The following MBTPS1 variants were observed in gnomAD, a reference collection of about 807,000 sequenced individuals.
MBTPS1 encodes membrane bound transcription factor peptidase, site 1.
MBTPS1 carries 94 observed loss-of-function variants against 127.8 expected under a neutral mutation model. The observed-to-expected ratio is 0.74, with a 90% CI of 0.62 to 0.87. The LOEUF (loss-of-function observed/expected upper bound fraction) is 0.87. Ranked by LOEUF, MBTPS1 falls within the 40% of genes least tolerant of loss-of-function variation. The pLI is 0.00. For synonymous variants in MBTPS1, 632 were observed against 509.4 expected, an observed-to-expected ratio of 1.24 and a Z score of -3.24; for missense variants, 1,636 against 1,353.2, an observed-to-expected ratio of 1.21 and a Z score of -3.28.
chr16:84,096,526 G>A (rs987300720), intron 3 of MBTPS1, among the ~76,000 whole-genome samples: 1 of 152,222 alleles, frequency 6.6e-6, no homozygotes. Context: ...CAGTACCACA[G>A]AAATGGCCTA....
Position 84,067,740 on chromosome 16 carries a change from AG to A in MBTPS1, c.2154del (p.Ser719ArgfsTer14). 1 of 1,614,146 alleles carries A rather than the reference AG, an allele frequency of 6.2e-7. No homozygotes were observed. The highest frequency in any genetic ancestry group is 8.5e-7 in the Non-Finnish European group (1 of 1,179,954). ...AKLRRDVDNG[L>X]SLVIFSDWYN... is the part of the protein sequence containing the mutation. Reference sequence around the variant, plus strand: ...TACCAGTCACTGAAGATGACGAGCGAGAGGCCGTTGTCCACGTCCCTCCGGA... The same window carrying A: ...TACCAGTCACTGAAGATGACGAGCGAAGGCCGTTGTCCACGTCCCTCCGGA... On this transcript the variant is annotated frameshift_variant, in exon 16 of 23. Transcript: ENST00000343411. LOFTEE classifies it high-confidence loss of function.
Position 84,067,663 on chromosome 16 carries a change from G to T in MBTPS1, c.2228+4C>A. 1.9e-6 allele frequency: 3 copies of T among 1,608,910 alleles called. No homozygotes were observed. Among genetic ancestry groups the T allele is most frequent in the Non-Finnish European group, 2.6e-6 (3 of 1,175,660 alleles). On this transcript the variant is annotated splice_donor_region_variant and intron_variant, in intron 16 of 22. Coordinates refer to ENST00000343411, the MANE Select transcript of MBTPS1 (RefSeq NM_003791.4). ...ATCCAAATACCAATGCGTATCAACA[G>T]TACCTTGTGTTTTCATCATAAAACT...
At chr16:84,103,281 G>T (rs1435235217) in intron 1 of MBTPS1, among the ~76,000 whole-genome samples, 1 of 150,112 alleles carries the variant, frequency 6.7e-6, no homozygotes, top group East Asian at 1.9e-4. Context: ...TTGAGGAAGG[G>T]TCTCACTCTG....
chr16:84,071,359 C>T (rs748655221), intron 12 of MBTPS1, among the ~76,000 whole-genome samples: 7 of 152,192 alleles, frequency 4.6e-5, no homozygotes, highest in Non-Finnish European at 7.3e-5. Context: ...TGCAACTAAC[C>T]GGTATTTCAG....
At chr16:84,066,726 C>G in intron 16 of MBTPS1, 113 bp from the exon 17 acceptor site, 1 of 1,059,956 alleles carries the variant, frequency 9.4e-7, no homozygotes, top group Non-Finnish European at 1.3e-6. Flanking sequence ...AGTCCTTCCA[C>G]ACTAAGGCTT....
In MBTPS1 at chr16:84,086,126, G is replaced by C. The variant is rs551411150; in HGVS notation, c.1135-992C>G. On this transcript the variant is annotated intron_variant, in intron 9 of 22. Transcript: ENST00000343411. ...CTGACCATCAAACCCAAGGACCATG[G>C]ATGCACATACTGGGATACCGAGTAA... The C allele has an allele frequency of 7.9e-5, 12 of 152,340 alleles. No individual in the cohort carries two copies. The East Asian group carries it at 2.1e-3, about 27-fold the overall frequency. 9.4% of individuals were successfully genotyped at this position (152,340 alleles called of 1,614,324 possible).
At chr16:84,054,676 G>A (rs374725136) in intron 22 of MBTPS1, 31 bp from the exon 23 acceptor site, 2 of 1,514,854 alleles carry the variant, frequency 1.3e-6, no homozygotes, top group Admixed American at 4.0e-5. Context: ...GAACAGGCAG[G>A]AACGCCACAG....
At chr16:84,108,269 T>C (rs1301797791) in intron 1 of MBTPS1, among the ~76,000 whole-genome samples, 1 of 151,798 alleles carries the variant, frequency 6.6e-6, no homozygotes, top group Non-Finnish European at 1.5e-5. Flanking sequence ...GGAAAAGCAC[T>C]GTTTTCTTCT....
intron 2 of MBTPS1, among the ~76,000 whole-genome samples, chr16:84,099,833 G>A (rs955615450): frequency 2.2e-4 from 33 of 150,262 alleles, no homozygotes; most frequent in Admixed American, 1.4e-3. Context: ...TACATCATTC[G>A]AAACCAGATA....
At position 84,054,221 on chromosome 16, in the gene MBTPS1, C is replaced by T; in HGVS notation, c.*228G>A. 4 of 374,688 alleles carry T rather than the reference C, an allele frequency of 1.1e-5. No individual in the cohort carries two copies. The highest frequency in any genetic ancestry group is 1.9e-5 in the Non-Finnish European group (4 of 208,950). The allele number at this position is 374,688 out of a possible 1,614,324, so 23.2% of individuals were successfully genotyped here. On this transcript the variant is annotated 3_prime_UTR_variant, in exon 23 of 23. Transcript: ENST00000343411. ...GCACAGCTGCCGGCGGGAAGTCTCA[C>T]TGGCGGCAGAGCCACTAAGTCCCTC...
In MBTPS1 at chr16:84,080,157, A is replaced by C. The variant is rs2085919522; in HGVS notation, c.1448+1590T>G. Among the ~76,000 whole-genome samples, 3 of 152,224 alleles carry C rather than the reference A, an allele frequency of 2.0e-5. No homozygotes were observed. The East Asian group carries it at 5.8e-4, about 29-fold the overall frequency. ...CGGGGACAATTTGAACGACCCACTA[A>C]ATGATATTAATTATAATCCACAGAG... On this transcript the variant is annotated intron_variant, in intron 11 of 22. Transcript: ENST00000343411.
At chr16:84,107,325 C>T (rs760276865) in intron 1 of MBTPS1, among the ~76,000 whole-genome samples, 14 of 152,190 alleles carry the variant, frequency 9.2e-5, no homozygotes, top group Non-Finnish European at 1.6e-4. Flanking sequence ...CTGCTCTAGT[C>T]ACCAAGCCAC....
chr16:84,104,447 A>G (rs1235954403), intron 1 of MBTPS1, among the ~76,000 whole-genome samples: 1 of 152,118 alleles, frequency 6.6e-6, no homozygotes, highest in Admixed American at 6.5e-5. Context: ...TGGGTGACAC[A>G]GTGAGACTCT....
intron 1 of MBTPS1, among the ~76,000 whole-genome samples, chr16:84,112,759 G>A (rs557336800): frequency 2.0e-5 from 3 of 151,388 alleles, no homozygotes; most frequent in Admixed American, 2.0e-4. Context: ...CAGATCACCC[G>A]AGGTCAGGAG....
At chr16:84,081,987 C>A in intron 10 of MBTPS1, 79 bp from the exon 11 acceptor site, 2 of 1,103,016 alleles carry the variant, frequency 1.8e-6, no homozygotes, top group Non-Finnish European at 2.4e-6. Context: ...AACCTACAAA[C>A]GTGCACACAA....
intron 11 of MBTPS1, 169 bp from the exon 12 acceptor site, chr16:84,074,910 G>A (rs1449538929): frequency 1.9e-6 from 1 of 535,842 alleles, no homozygotes; most frequent in African/African-American, 1.9e-5. Context: ...CTCCTGCACA[G>A]ATAAGGCCTC....
chr16:84,113,030 A>G (rs975609894), intron 1 of MBTPS1, among the ~76,000 whole-genome samples: 1 of 152,098 alleles, frequency 6.6e-6, no homozygotes, highest in African/African-American at 2.4e-5. Context: ...GAGTGGCACA[A>G]AAATTCAAAT....
rs1567484088 is a variant in MBTPS1 at position 84,077,260 on chromosome 16, A to AG, written c.1449-2520_1449-2519insC. 3.4e-5 allele frequency among the ~76,000 whole-genome samples: 5 copies of AG among 148,300 alleles called. No individual in the cohort carries two copies. The East Asian group carries it at 7.8e-4, about 23-fold the overall frequency. On this transcript the variant is annotated intron_variant, in intron 11 of 22. Transcript: ENST00000343411. Reference sequence around the variant, plus strand: ...AAAAAAAAAAAAAAAAGAGAGAGAGAAAAGAAAAGAAAGAAAGAAAAGAAT... The same window carrying AG: ...AAAAAAAAAAAAAAAAGAGAGAGAGAGAAAGAAAAGAAAGAAAGAAAAGAAT...
chr16:84,065,044 T>G (rs2085661257), intron 18 of MBTPS1, among the ~76,000 whole-genome samples: 1 of 152,166 alleles, frequency 6.6e-6, no homozygotes, highest in Admixed American at 6.5e-5. Context: ...TTCTAAAACC[T>G]TGGTAATCTG....
Sources: gnomAD v4.1 joint callset for allele counts (sites outside exome capture counted in the v4.1 genomes callset) on GRCh38, gnomAD v4.1.1 for gene constraint, MANE v1.5 for transcripts, NCBI Gene and HGNC (gene_info 2026-07-23, HGNC 2026-07-21) for gene names.